Variants in CYP7B1 observed in about 807,000 individuals in gnomAD.
CYP7B1 encodes the protein cytochrome P450 family 7 subfamily B member 1.
CYP7B1 carries 29 observed loss-of-function variants against 42.7 expected under a neutral mutation model. That is an observed-to-expected ratio of 0.68 (90% CI 0.51 to 0.93). CYP7B1 has a LOEUF of 0.93. CYP7B1 is among the 40% of genes least tolerant of loss of function. The pLI is 0.00. For missense variants in CYP7B1, 655 were observed against 600.5 expected, an observed-to-expected ratio of 1.09 and a Z score of -0.95; for synonymous variants, 235 against 218.2, an observed-to-expected ratio of 1.08 and a Z score of -0.68.
chr8:64,741,213 C>G (rs1169457854), intron 1 of CYP7B1, among the ~76,000 whole-genome samples: 1 of 151,796 alleles, frequency 6.6e-6, no homozygotes, highest in Non-Finnish European at 1.5e-5. Context: ...TAAAGAAAAA[C>G]CAGAAAATAA....
At chr8:64,679,737 C>G (rs535997032) in intron 1 of CYP7B1, among the ~76,000 whole-genome samples, 1 of 152,186 alleles carries the variant, frequency 6.6e-6, no homozygotes, top group South Asian at 2.1e-4. Flanking sequence ...ATATGATTGA[C>G]ATATAAATAG....
chr8:64,766,592 G>C (rs1197634088), intron 1 of CYP7B1, among the ~76,000 whole-genome samples: 1 of 152,056 alleles, frequency 6.6e-6, no homozygotes, highest in African/African-American at 2.4e-5. Flanking sequence ...ACAGGGAAAG[G>C]CTGGGCAACT....
intron 4 of CYP7B1, among the ~76,000 whole-genome samples, chr8:64,612,019 T>A (rs989698511): frequency 1.3e-5 from 2 of 152,184 alleles, no homozygotes; most frequent in Middle Eastern, 3.2e-3. Context: ...AAATAAACCA[T>A]TAAGAAGTGG....
chr8:64,775,379 G>A (rs1804306985), intron 1 of CYP7B1, among the ~76,000 whole-genome samples: 2 of 152,088 alleles, frequency 1.3e-5, no homozygotes, highest in Non-Finnish European at 2.9e-5. Flanking sequence ...AGTAAACTGT[G>A]TATTCTCAGG....
At chr8:64,669,321 C>T (rs1054579402) in intron 1 of CYP7B1, among the ~76,000 whole-genome samples, 3 of 150,306 alleles carry the variant, frequency 2.0e-5, no homozygotes, top group Admixed American at 6.7e-5. Context: ...TGAAAAGGTA[C>T]GTTACACATA....
chr8:64,765,773 T>C (rs966124641), intron 1 of CYP7B1, among the ~76,000 whole-genome samples: 2 of 152,106 alleles, frequency 1.3e-5, no homozygotes, highest in African/African-American at 2.4e-5. Context: ...ATGGGAAATG[T>C]TCCCCCCAAG....
chr8:64,716,842 T>C (rs770002344), intron 1 of CYP7B1, among the ~76,000 whole-genome samples: 2 of 152,248 alleles, frequency 1.3e-5, no homozygotes, highest in African/African-American at 4.8e-5. Context: ...AGGTGGTTGA[T>C]AGTATGGTCC....
At chr8:64,692,662 G>A (rs999127274) in intron 1 of CYP7B1, among the ~76,000 whole-genome samples, 1 of 152,102 alleles carries the variant, frequency 6.6e-6, no homozygotes, top group African/African-American at 2.4e-5. Context: ...CAGCAGAAGA[G>A]GGAAAAGTCT....
intron 1 of CYP7B1, among the ~76,000 whole-genome samples, chr8:64,635,666 G>A (rs1490600281): frequency 6.6e-6 from 1 of 152,184 alleles, no homozygotes; most frequent in African/African-American, 2.4e-5. Context: ...AGCAAGTAAT[G>A]CTGAATAGTC....
chr8:64,649,976 T>C (rs754405218), intron 1 of CYP7B1, among the ~76,000 whole-genome samples: 15 of 152,258 alleles, frequency 9.9e-5, no homozygotes. Context: ...ATCAGACATA[T>C]AATTTGCAAT....
At chr8:64,612,899 A>C (rs910823718) in intron 4 of CYP7B1, among the ~76,000 whole-genome samples, 4 of 152,150 alleles carry the variant, frequency 2.6e-5, no homozygotes, top group African/African-American at 9.7e-5. Flanking sequence ...CATATACTTC[A>C]TGCTCTCTTG....
intron 1 of CYP7B1, among the ~76,000 whole-genome samples, chr8:64,679,580 T>A (rs943030882): frequency 6.6e-6 from 1 of 152,198 alleles, no homozygotes; most frequent in African/African-American, 2.4e-5. Flanking sequence ...AACTTCTATT[T>A]CTATTTCTAA....
intron 1 of CYP7B1, among the ~76,000 whole-genome samples, chr8:64,737,727 C>T (rs1324415275): frequency 6.6e-6 from 1 of 152,180 alleles, no homozygotes; most frequent in African/African-American, 2.4e-5. Flanking sequence ...CAAGAGGCAA[C>T]AGAATTTCAG....
rs986315259 is a variant in CYP7B1, at chr8:64,591,123, T to C, written c.*5519A>G. Reference sequence around the variant, plus strand: ...TTTAAATTGTGTAGAGTTTTTCATGTATTAAATTTATTTTACTCTAGCAAG... The same window carrying C: ...TTTAAATTGTGTAGAGTTTTTCATGCATTAAATTTATTTTACTCTAGCAAG... On this transcript the variant is annotated 3_prime_UTR_variant, in exon 6 of 6. Coordinates refer to ENST00000310193, the MANE Select transcript of CYP7B1 (RefSeq NM_004820.5). Among the ~76,000 whole-genome samples the C allele has an allele frequency of 6.6e-6, 1 of 152,174 alleles. No individual in the cohort carries two copies. The highest frequency in any genetic ancestry group is 2.4e-5 in the African/African-American group (1 of 41,448).
downstream of CYP7B1, among the ~76,000 whole-genome samples, chr8:64,589,203 G>C (rs1477542120): frequency 6.6e-6 from 1 of 152,192 alleles, no homozygotes; most frequent in Non-Finnish European, 1.5e-5. Flanking sequence ...TGGAGTAGTT[G>C]ATGTGGACGA....
In CYP7B1 at chr8:64,724,031, C is replaced by T. The variant is rs563574793; in HGVS notation, c.122+74435G>A. 8.6e-4 allele frequency among the ~76,000 whole-genome samples: 131 copies of T among 152,146 alleles called. 1 individual carries two copies. Among genetic ancestry groups the T allele is most frequent in the Admixed American group, 2.5e-3 (38 of 15,286 alleles). ...AACAAAGTTCTGAACAGATCATATGCCCACAGAGAACGGTCTGAAAGGCTA... is the reference window on the plus strand; with the variant it reads ...AACAAAGTTCTGAACAGATCATATGTCCACAGAGAACGGTCTGAAAGGCTA... On this transcript the variant is annotated intron_variant, in intron 1 of 5. Coordinates refer to ENST00000310193, the MANE Select transcript of CYP7B1 (RefSeq NM_004820.5).
intron 1 of CYP7B1, among the ~76,000 whole-genome samples, chr8:64,655,732 A>G (rs1806111299): frequency 6.6e-6 from 1 of 152,246 alleles, no homozygotes. Context: ...TTGCAGCACT[A>G]TTCACAATAG....
At chr8:64,731,345 TG>T (rs1807405872) in intron 1 of CYP7B1, among the ~76,000 whole-genome samples, 2 of 152,124 alleles carry the variant, frequency 1.3e-5, no homozygotes, top group Admixed American at 6.6e-5. Flanking sequence ...AGGTCTCAGA[TG>T]GAGAAACTTG....
chr8:64,648,106 C>A (rs143396926), intron 1 of CYP7B1, among the ~76,000 whole-genome samples: 1 of 152,042 alleles, frequency 6.6e-6, no homozygotes, highest in Non-Finnish European at 1.5e-5. Context: ...GAGGATCTTC[C>A]CTGAAAGAGC....
Sources: gnomAD v4.1 joint callset for allele counts (sites outside exome capture counted in the v4.1 genomes callset) on GRCh38, gnomAD v4.1.1 for gene constraint, MANE v1.5 for transcripts, NCBI Gene and HGNC (gene_info 2026-07-23, HGNC 2026-07-21) for gene names.